The following HHIP variants were observed in gnomAD, a reference collection of about 807,000 sequenced individuals.
The protein encoded by HHIP is hedgehog interacting protein.
Under a neutral mutation model 74.0 loss-of-function variants are expected in HHIP, and 12 were observed. The observed-to-expected ratio is 0.16, with a 90% CI of 0.10 to 0.26. The LOEUF (loss-of-function observed/expected upper bound fraction) is 0.26. Among genes scored for constraint, HHIP ranks in the 10% least tolerant of loss-of-function variants. The pLI is 1.00. For missense variants in HHIP, 788 were observed against 845.0 expected (o/e 0.93, Z 0.84); for synonymous variants, 309 against 311.6 (o/e 0.99, Z 0.09).
intron 2 of HHIP, 117 bp downstream of exon 2, chr4:144,652,914 T>C: frequency 1.6e-6 from 1 of 637,576 alleles, no homozygotes; most frequent in Admixed American, 3.6e-5. Context: ...TAAAAATACC[T>C]ATTTTACCTC....
chr4:144,646,560 C>T lies in HHIP; in HGVS notation c.-116C>T. On this transcript the variant is annotated 5_prime_UTR_variant, in exon 1 of 13. Coordinates refer to ENST00000296575, the MANE Select transcript of HHIP (RefSeq NM_022475.3). Reference sequence around the variant, plus strand: ...TTGTCCCCGCCACCTCCCTCTGTCTCTGGAGTGCCCTACAGCCCCGCAAAC... The same window carrying T: ...TTGTCCCCGCCACCTCCCTCTGTCTTTGGAGTGCCCTACAGCCCCGCAAAC... 1 of 1,033,716 alleles carries T rather than the reference C, an allele frequency of 9.7e-7. No homozygotes were observed. Among genetic ancestry groups the T allele is most frequent in the Non-Finnish European group, 1.4e-6 (1 of 700,960 alleles). 64.0% of individuals were successfully genotyped at this position (1,033,716 alleles called of 1,614,324 possible).
chr4:144,670,953 T>A (rs1418787498), intron 4 of HHIP, among the ~76,000 whole-genome samples: 1 of 152,064 alleles, frequency 6.6e-6, no homozygotes, highest in African/African-American at 2.4e-5. Flanking sequence ...AAACAAAACC[T>A]GAACCGACGT....
chr4:144,707,426 C>T (rs1445257519), intron 6 of HHIP, among the ~76,000 whole-genome samples, 166 bp downstream of exon 6: 1 of 152,102 alleles, frequency 6.6e-6, no homozygotes, highest in Non-Finnish European at 1.5e-5. Flanking sequence ...GAGGAATTCA[C>T]TAATATGCTA....
chr4:144,738,091 G>A lies in HHIP; in HGVS notation c.*134G>A. 1 of 1,354,456 alleles carries A rather than the reference G, an allele frequency of 7.4e-7. No homozygotes were observed. The highest frequency in any genetic ancestry group is 9.5e-7 in the Non-Finnish European group (1 of 1,055,372). The allele number at this position is 1,354,456 out of a possible 1,614,324, so 83.9% of individuals were successfully genotyped here. ...TTTATTAATTTAAAAATAATTTCCAGAAATGTGCAGATCCTCTGTGTGTAT... is the reference window on the plus strand; with the variant it reads ...TTTATTAATTTAAAAATAATTTCCAAAAATGTGCAGATCCTCTGTGTGTAT... On this transcript the variant is annotated 3_prime_UTR_variant, in exon 13 of 13. Coordinates refer to ENST00000296575, the MANE Select transcript of HHIP (RefSeq NM_022475.3).
chr4:144,677,397 CT>C (rs1578692473), intron 4 of HHIP, among the ~76,000 whole-genome samples: 1 of 152,158 alleles, frequency 6.6e-6, no homozygotes, highest in African/African-American at 2.4e-5. Flanking sequence ...CAGCTCTAAG[CT>C]TACATCCTAC....
rs1560714504 is a variant in HHIP, at chr4:144,708,259, A to C, written c.1249A>C (p.Ser417Arg). The change falls in exon 7 of 13, where the codon AGC becomes CGC. Residue 417 changes from serine (S) to arginine (R), a missense_variant. Around this residue, in one of 3 missense-constraint regions of HHIP, gnomAD observed 343 missense variants for 347.9 expected, o/e 0.99. Transcript: ENST00000296575. ...SIPRSNPHFN[S>R]TNQPPEVFAH... Reference sequence around the variant, plus strand: ...ACCAAGGAGCAACCCACACTTCAACAGCACCAACCAGCCCCCCGAAGTGTT... The same window carrying C: ...ACCAAGGAGCAACCCACACTTCAACCGCACCAACCAGCCCCCCGAAGTGTT... 6.2e-7 allele frequency: 1 copy of C among 1,614,170 alleles called. No individual in the cohort carries two copies. The highest frequency in any genetic ancestry group is 8.5e-7 in the Non-Finnish European group (1 of 1,180,004).
At chr4:144,732,388 C>A (rs541361847) in intron 11 of HHIP, among the ~76,000 whole-genome samples, 24 of 152,090 alleles carry the variant, frequency 1.6e-4, no homozygotes, top group Non-Finnish European at 3.5e-4. Context: ...TTACTACATC[C>A]GTGGGTAAAC....
chr4:144,691,153 T>C (rs1182524107), intron 4 of HHIP, among the ~76,000 whole-genome samples: 7 of 152,160 alleles, frequency 4.6e-5, no homozygotes, highest in South Asian at 2.1e-4. Flanking sequence ...AATTGAAAGA[T>C]TGCCAACTTT....
In HHIP at chr4:144,738,123, A is replaced by ATGTT; in HGVS notation, c.*171_*174dup. The ATGTT allele has an allele frequency of 7.7e-7, 1 of 1,303,318 alleles. No homozygotes were observed. The highest frequency in any genetic ancestry group is 9.7e-7 in the Non-Finnish European group (1 of 1,026,066). 80.7% of individuals were successfully genotyped at this position (1,303,318 alleles called of 1,614,324 possible). A position where few individuals can be genotyped will look rare whatever the true frequency, so the allele number is the denominator to read the frequency against. ...GCAGATCCTCTGTGTGTATGTCAGC[A>ATGTT]TGTTTGTTCACATATGCACATACAC... is the stretch of plus-strand genomic sequence containing the variant. On this transcript the variant is annotated 3_prime_UTR_variant, in exon 13 of 13. Transcript: ENST00000296575.
chr4:144,654,427 G>A (rs1728507283), intron 2 of HHIP, among the ~76,000 whole-genome samples: 1 of 152,152 alleles, frequency 6.6e-6, no homozygotes, highest in African/African-American at 2.4e-5. Context: ...CTCCACTCTA[G>A]AAGTGGACAG....
chr4:144,738,386 A>T lies in HHIP; in HGVS notation c.*429A>T, dbSNP rs1731181110. 7 of 969,514 alleles carry T rather than the reference A, an allele frequency of 7.2e-6. No individual in the cohort carries two copies. Among genetic ancestry groups the T allele is most frequent in the Non-Finnish European group, 8.6e-6 (7 of 815,136 alleles). 60.1% of individuals were successfully genotyped at this position (969,514 alleles called of 1,614,324 possible). On this transcript the variant is annotated 3_prime_UTR_variant, in exon 13 of 13. Coordinates refer to ENST00000296575, the MANE Select transcript of HHIP (RefSeq NM_022475.3). ...GATGGATCTAATTAAAAAAAAGGCA[A>T]TATTTTTATATTAAAGTACTATACT...
intron 4 of HHIP, among the ~76,000 whole-genome samples, chr4:144,668,674 C>G (rs1383556191): frequency 6.6e-6 from 1 of 152,086 alleles, no homozygotes; most frequent in Non-Finnish European, 1.5e-5. Context: ...ATCGCTTGAA[C>G]CTGGGAGGCA....
intron 4 of HHIP, among the ~76,000 whole-genome samples, chr4:144,674,218 T>C (rs956866466): frequency 6.6e-6 from 1 of 152,246 alleles, no homozygotes; most frequent in Admixed American, 6.5e-5. Context: ...CCATACACTG[T>C]ATAGATTAGA....
intron 4 of HHIP, among the ~76,000 whole-genome samples, chr4:144,701,107 T>C (rs1293105394): frequency 6.6e-6 from 1 of 152,152 alleles, no homozygotes; most frequent in African/African-American, 2.4e-5. Flanking sequence ...CAAAAGTATA[T>C]ATCTTATAGG....
At chr4:144,703,336 C>T (rs1213887397) in intron 4 of HHIP, among the ~76,000 whole-genome samples, 1 of 152,114 alleles carries the variant, frequency 6.6e-6, no homozygotes. Context: ...GCCAGCTTGG[C>T]TCAACTAATC....
chr4:144,663,952 G>A (rs889896436), intron 4 of HHIP, among the ~76,000 whole-genome samples: 2 of 152,190 alleles, frequency 1.3e-5, no homozygotes, highest in African/African-American at 4.8e-5. Context: ...TTAAAGGAAG[G>A]ATATGCCCGC....
chr4:144,686,095 A>G (rs1196017946), intron 4 of HHIP, among the ~76,000 whole-genome samples: 1 of 152,198 alleles, frequency 6.6e-6, no homozygotes, highest in East Asian at 1.9e-4. Flanking sequence ...TCAATACTAT[A>G]AACAACTGCT....
intron 7 of HHIP, among the ~76,000 whole-genome samples, chr4:144,708,805 C>A (rs1202870359): frequency 1.3e-5 from 2 of 152,152 alleles, no homozygotes; most frequent in Admixed American, 6.5e-5. Flanking sequence ...AATTGCAATT[C>A]TTGTTATCAT....
chr4:144,684,417 C>T (rs945771578), intron 4 of HHIP, among the ~76,000 whole-genome samples: 1 of 150,144 alleles, frequency 6.7e-6, no homozygotes, highest in Non-Finnish European at 1.5e-5. Context: ...CGCCACCACG[C>T]CCGGCTATTT....
Sources: gnomAD v4.1 joint callset for allele counts (sites outside exome capture counted in the v4.1 genomes callset) on GRCh38, gnomAD v4.1.1 for gene constraint, gnomAD v4.1.1 regional missense constraint, MANE v1.5 for transcripts, NCBI Gene and HGNC (gene_info 2026-07-23, HGNC 2026-07-21) for gene names.